The following VMP1 variants were observed in gnomAD, a reference collection of about 807,000 sequenced individuals.
VMP1 encodes the protein ectopic P-granules autophagy protein 3 homolog.
Under a neutral mutation model 56.0 loss-of-function variants are expected in VMP1, and 11 were observed. The ratio of observed to expected loss-of-function variants is 0.20; its 90% CI spans 0.12 to 0.32. The LOEUF (loss-of-function observed/expected upper bound fraction) is 0.32. VMP1 is among the 10% of genes least tolerant of loss of function. The pLI is 1.00. For synonymous variants in VMP1, 149 were observed against 165.0 expected (o/e 0.90, Z 0.74); for missense variants, 296 against 490.3 (o/e 0.60, Z 3.74).
chr17:59,708,061 A>G (rs1238349081), intron 1 of VMP1: 1 of 152,150 alleles, frequency 6.6e-6, no homozygotes, highest in Admixed American at 6.5e-5. Context: ...TAGTCCCGGG[A>G]TGTCCAGGAC....
intron 10 of VMP1, among the ~76,000 whole-genome samples, chr17:59,834,340 G>A (rs1343279071): frequency 6.6e-6 from 1 of 151,938 alleles, no homozygotes; most frequent in Admixed American, 6.6e-5. Context: ...TCAGCTCACT[G>A]CAACCTCCGC....
chr17:59,779,867 C>T (rs936803148), intron 7 of VMP1, among the ~76,000 whole-genome samples: 1 of 152,166 alleles, frequency 6.6e-6, no homozygotes, highest in African/African-American at 2.4e-5. Flanking sequence ...GAATGAATTT[C>T]ATAAGCTTAT....
intron 8 of VMP1, 103 bp from the exon 9 acceptor site, chr17:59,811,567 G>A: frequency 3.6e-6 from 3 of 827,688 alleles, no homozygotes; most frequent in Non-Finnish European, 6.0e-6. Flanking sequence ...ATATTGCTTT[G>A]CAGTGTAAGC....
At chr17:59,834,247 G>A (rs537617990) in intron 10 of VMP1, among the ~76,000 whole-genome samples, 4 of 151,816 alleles carry the variant, frequency 2.6e-5, no homozygotes, top group Non-Finnish European at 5.9e-5. Context: ...ATGAACCACC[G>A]CACCCAGCCT....
intron 7 of VMP1, 65 bp from the exon 8 acceptor site, chr17:59,808,731 A>T: frequency 7.5e-7 from 1 of 1,338,402 alleles, no homozygotes; most frequent in Non-Finnish European, 1.1e-6. Flanking sequence ...AATAAACTCT[A>T]GAAAGAACCA....
chr17:59,743,587 T>A (rs905659546), intron 5 of VMP1, among the ~76,000 whole-genome samples: 2 of 149,514 alleles, frequency 1.3e-5, no homozygotes, highest in African/African-American at 4.9e-5. Context: ...TCTCTATATA[T>A]ATATATGCTA....
At chr17:59,719,931 T>C (rs1464232944) in intron 1 of VMP1, among the ~76,000 whole-genome samples, 1 of 152,212 alleles carries the variant, frequency 6.6e-6, no homozygotes, top group Non-Finnish European at 1.5e-5. Context: ...ATTTCTTGTA[T>C]CTATATAAGT....
intron 5 of VMP1, among the ~76,000 whole-genome samples, chr17:59,756,514 C>T (rs960975909): frequency 6.6e-6 from 1 of 152,190 alleles, no homozygotes; most frequent in African/African-American, 2.4e-5. Flanking sequence ...TTTGGGATCT[C>T]ACTTGACTTC....
At chr17:59,809,683 T>G (rs964378403) in intron 8 of VMP1, among the ~76,000 whole-genome samples, 8 of 150,516 alleles carry the variant, frequency 5.3e-5, no homozygotes, top group African/African-American at 2.0e-4. Flanking sequence ...ATTTTTTGTA[T>G]TTTTAGTAGA....
chr17:59,755,014 T>C (rs764039059), intron 5 of VMP1, among the ~76,000 whole-genome samples: 14 of 127,590 alleles, frequency 1.1e-4, no homozygotes, highest in Non-Finnish European at 2.0e-4. Flanking sequence ...CTCATAAATA[T>C]GTAGTTCATT....
intron 7 of VMP1, among the ~76,000 whole-genome samples, chr17:59,785,876 A>G (rs2036990619): frequency 1.3e-5 from 2 of 151,986 alleles, no homozygotes; most frequent in Admixed American, 6.6e-5. Flanking sequence ...TTTAGGTTCT[A>G]TTTAGGACTA....
intron 5 of VMP1, among the ~76,000 whole-genome samples, chr17:59,743,078 T>C (rs1031832867): frequency 2.0e-5 from 3 of 152,192 alleles, no homozygotes; most frequent in African/African-American, 7.2e-5. Context: ...ATTTATTTGT[T>C]ACAATTGAGG....
intron 1 of VMP1, among the ~76,000 whole-genome samples, chr17:59,723,765 A>G (rs960330074): frequency 3.3e-5 from 5 of 152,192 alleles, no homozygotes; most frequent in African/African-American, 1.2e-4. Flanking sequence ...GAGGAAGGAA[A>G]TGATATATAT....
intron 9 of VMP1, among the ~76,000 whole-genome samples, chr17:59,814,276 C>T (rs1311298013): frequency 1.3e-5 from 2 of 152,064 alleles, no homozygotes; most frequent in East Asian, 1.9e-4. Flanking sequence ...TGCGCCTGGC[C>T]GATGAGTGAT....
At chr17:59,743,239 G>A (rs1467942061) in intron 5 of VMP1, among the ~76,000 whole-genome samples, 2 of 152,022 alleles carry the variant, frequency 1.3e-5, no homozygotes, top group East Asian at 3.9e-4. Context: ...AATGCCCTGT[G>A]CTTCACCTGT....
At chr17:59,753,161 CCAGCT>C (rs1403756630) in intron 5 of VMP1, among the ~76,000 whole-genome samples, 4 of 151,782 alleles carry the variant, frequency 2.6e-5, no homozygotes, top group African/African-American at 9.7e-5. Context: ...TCCTGTAGTC[CCAGCT>C]ACTCAGGTGG....
intron 1 of VMP1, among the ~76,000 whole-genome samples, chr17:59,716,197 AGTCC>A (rs1291401507): frequency 1.3e-5 from 2 of 152,166 alleles, no homozygotes; most frequent in East Asian, 3.9e-4. Flanking sequence ...GACTTTTCCA[AGTCC>A]AAATTCGGTA....
At chr17:59,832,573 ATTTGT>A (rs71145579) in intron 10 of VMP1, among the ~76,000 whole-genome samples, 81,929 of 145,958 alleles carry the variant, frequency 0.56, 24,702 homozygotes, top group Non-Finnish European at 0.68. Context: ...AATTGTAGTT[ATTTGT>A]TTTGTTTTGT....
intron 6 of VMP1, among the ~76,000 whole-genome samples, chr17:59,770,153 A>G (rs1317543135): frequency 6.6e-6 from 1 of 152,206 alleles, no homozygotes; most frequent in Non-Finnish European, 1.5e-5. Flanking sequence ...TCAGTCCATT[A>G]TGTTACTTCC....
Sources: gnomAD v4.1 joint callset for allele counts (sites outside exome capture counted in the v4.1 genomes callset) on GRCh38, gnomAD v4.1.1 for gene constraint, MANE v1.5 for transcripts, NCBI Gene and HGNC (gene_info 2026-07-23, HGNC 2026-07-21) for gene names.